Variants in SLC35F3 observed in about 807,000 individuals in gnomAD.
SLC35F3 encodes putative thiamine transporter SLC35F3.
Under a neutral mutation model 49.9 loss-of-function variants are expected in SLC35F3, and 25 were observed. The ratio of observed to expected loss-of-function variants is 0.50; its 90% CI spans 0.37 to 0.70. The LOEUF is 0.70. Ranked by LOEUF, SLC35F3 falls within the 30% of genes least tolerant of loss-of-function variation. SLC35F3 has a pLI of 0.00. For synonymous variants in SLC35F3, 275 were observed against 265.4 expected (o/e 1.04, Z -0.35); for missense variants, 525 against 639.8 (o/e 0.82, Z 1.94).
intron 2 of SLC35F3, among the ~76,000 whole-genome samples, chr1:233,938,758 G>A (rs12744269): frequency 6.6e-6 from 1 of 151,886 alleles, no homozygotes. Context: ...GGAAAGATGG[G>A]TGGATGGATA....
At chr1:234,271,450 G>A (rs901358964) in intron 3 of SLC35F3, among the ~76,000 whole-genome samples, 1 of 152,144 alleles carries the variant, frequency 6.6e-6, no homozygotes, top group Non-Finnish European at 1.5e-5. Context: ...AGAATTATTA[G>A]TAAATGTCTC....
At chr1:233,933,705 G>A (rs1662281551) in intron 2 of SLC35F3, among the ~76,000 whole-genome samples, 1 of 152,180 alleles carries the variant, frequency 6.6e-6, no homozygotes, top group Non-Finnish European at 1.5e-5. Context: ...GTTGGGTGTG[G>A]TGACATGCAC....
At chr1:234,059,617 TA>T (rs1664509042) in intron 2 of SLC35F3, among the ~76,000 whole-genome samples, 1 of 7,360 alleles carries the variant, frequency 1.4e-4, no homozygotes, top group Non-Finnish European at 1.5e-3. Context: ...AGACATAGAC[TA>T]GACATAGACA....
chr1:234,069,781 G>A (rs1335198743), intron 2 of SLC35F3, among the ~76,000 whole-genome samples: 1 of 152,244 alleles, frequency 6.6e-6, no homozygotes, highest in Non-Finnish European at 1.5e-5. Context: ...TGCCATTTCT[G>A]TTGCTCTTCC....
At chr1:234,248,317 T>C (rs867254647) in intron 3 of SLC35F3, among the ~76,000 whole-genome samples, 4 of 136,528 alleles carry the variant, frequency 2.9e-5, no homozygotes, top group Non-Finnish European at 3.2e-5. Context: ...GTCCATTGTT[T>C]GGTGGGTTGG....
chr1:233,907,558 C>T (rs2102779946), intron 2 of SLC35F3, among the ~76,000 whole-genome samples: 1 of 152,286 alleles, frequency 6.6e-6, no homozygotes, highest in South Asian at 2.1e-4. Flanking sequence ...TCTCTCTATT[C>T]CTGTGAGGAT....
At chr1:234,156,923 G>A (rs1346524555) in intron 2 of SLC35F3, among the ~76,000 whole-genome samples, 1 of 152,150 alleles carries the variant, frequency 6.6e-6, no homozygotes, top group Non-Finnish European at 1.5e-5. Flanking sequence ...AGCGCAGAGA[G>A]ACAGCAAGTA....
chr1:234,042,294 AGG>A (rs985251013), intron 2 of SLC35F3, among the ~76,000 whole-genome samples: 8 of 83,104 alleles, frequency 9.6e-5, no homozygotes, highest in Non-Finnish European at 1.2e-4. Context: ...TGAAAGAAAC[AGG>A]GGCATGATTA....
At chr1:234,100,378 C>T (rs1225376428) in intron 2 of SLC35F3, among the ~76,000 whole-genome samples, 1 of 152,134 alleles carries the variant, frequency 6.6e-6, no homozygotes, top group African/African-American at 2.4e-5. Context: ...GCACCTATAT[C>T]GACGTCTTTT....
At chr1:234,093,286 T>C (rs571065985) in intron 2 of SLC35F3, among the ~76,000 whole-genome samples, 1 of 152,376 alleles carries the variant, frequency 6.6e-6, no homozygotes, top group South Asian at 2.1e-4. Flanking sequence ...ATTTTGAGCT[T>C]ATCTACTCCC....
rs1408233175 is a variant in SLC35F3 at position 234,231,676 on chromosome 1, C to T, written c.543C>T (p.Phe181=). The T allele has an allele frequency of 4.3e-6, 7 of 1,614,064 alleles. No homozygotes were observed. The highest frequency in any genetic ancestry group is 5.9e-6 in the Non-Finnish European group (7 of 1,180,024). ...WFATNWNFLF[F]PLYYVGHVCK... ...CCACCAACTGGAACTTTTTATTCTTCCCGTTGTACTACGTGGGGCACGTCT... is the reference window on the plus strand; with the variant it reads ...CCACCAACTGGAACTTTTTATTCTTTCCGTTGTACTACGTGGGGCACGTCT... The change falls in exon 3 of 8, where the codon TTC becomes TTT. Residue 181 remains phenylalanine (F), a synonymous_variant. Transcript: ENST00000366618. This position sits in a 1 kb window ranked among gnomAD's most constrained non-coding sequence, Gnocchi z 5.4.
intron 2 of SLC35F3, among the ~76,000 whole-genome samples, chr1:234,128,332 T>C (rs936412): frequency 0.45 from 69,024 of 151,930 alleles, 17,087 homozygotes; most frequent in Non-Finnish European, 0.56. Context: ...CGAAGGACAA[T>C]AGAAGATTCA....
At chr1:234,227,092 G>C (rs142817684) in intron 2 of SLC35F3, among the ~76,000 whole-genome samples, 8 of 152,308 alleles carry the variant, frequency 5.3e-5, no homozygotes, top group South Asian at 2.1e-4. Flanking sequence ...AGGTGACACA[G>C]CTTCAGGGAG....
intron 4 of SLC35F3, among the ~76,000 whole-genome samples, chr1:234,311,672 G>T (rs772686063): frequency 3.9e-5 from 6 of 152,258 alleles, no homozygotes; most frequent in Non-Finnish European, 7.3e-5. Flanking sequence ...GCCACGTATG[G>T]TATGAGAGGG....
In SLC35F3 at chr1:233,904,835, G is replaced by A. The variant is rs1661741995; in HGVS notation, c.-243G>A. On this transcript the variant is annotated 5_prime_UTR_variant, in exon 1 of 8. Transcript: ENST00000366618. ...CTCGGCTGCCGGGTCGTTGCGGCGAGCGCGCGGGCCGGCCTGGAGTCACCG... is the reference window on the plus strand; with the variant it reads ...CTCGGCTGCCGGGTCGTTGCGGCGAACGCGCGGGCCGGCCTGGAGTCACCG... The A allele has an allele frequency of 1.0e-5, 2 of 199,428 alleles. No homozygotes were observed. Among genetic ancestry groups the A allele is most frequent in the Non-Finnish European group, 2.0e-5 (2 of 100,520 alleles). The allele number at this position is 199,428 out of a possible 1,614,324, so 12.4% of individuals were successfully genotyped here.
intron 2 of SLC35F3, among the ~76,000 whole-genome samples, chr1:234,087,690 TG>T (rs1219579582): frequency 6.6e-6 from 1 of 152,190 alleles, no homozygotes; most frequent in Non-Finnish European, 1.5e-5. Context: ...AACCCTCCAA[TG>T]GCTTCTCAAC....
At chr1:234,069,367 C>T (rs1184635871) in intron 2 of SLC35F3, among the ~76,000 whole-genome samples, 1 of 150,754 alleles carries the variant, frequency 6.6e-6, no homozygotes. Flanking sequence ...AAGTGATTCT[C>T]CTGGCTCAGC....
intron 2 of SLC35F3, among the ~76,000 whole-genome samples, chr1:234,193,818 C>A (rs12078460): frequency 0.05 from 7,655 of 152,100 alleles, 685 homozygotes; most frequent in African/African-American, 0.18. Flanking sequence ...AGAAGATATA[C>A]AAATGGCCAA....
intron 2 of SLC35F3, among the ~76,000 whole-genome samples, chr1:233,984,296 G>C (rs939734457): frequency 6.6e-6 from 1 of 152,168 alleles, no homozygotes; most frequent in Non-Finnish European, 1.5e-5. Context: ...AACTGAACTG[G>C]GGTCCACTAC....
Sources: gnomAD v4.1 joint callset for allele counts (sites outside exome capture counted in the v4.1 genomes callset) on GRCh38, gnomAD v4.1.1 for gene constraint, Gnocchi (gnomAD v3.1) non-coding constraint, MANE v1.5 for transcripts, NCBI Gene and HGNC (gene_info 2026-07-23, HGNC 2026-07-21) for gene names.